The following BMAL1 variants were observed in gnomAD, a reference collection of about 807,000 sequenced individuals.
The protein encoded by BMAL1 is basic helix-loop-helix ARNT like 1.
the BMAL1 span, among the ~76,000 whole-genome samples, chr11:13,340,263 A>C: frequency 1.3e-5 from 2 of 152,024 alleles, no homozygotes; most frequent in African/African-American, 2.4e-5. Context: ...TGATGCTACT[A>C]TGTCACCCCA....
chr11:13,346,439 C>T, the BMAL1 span, among the ~76,000 whole-genome samples: 2 of 152,150 alleles, frequency 1.3e-5, no homozygotes, highest in African/African-American at 2.4e-5. Context: ...TGTAGATGGT[C>T]GGTATGGGTT....
the BMAL1 span, chr11:13,354,999 C>CT: frequency 2.7e-6 from 1 of 375,506 alleles, no homozygotes; most frequent in Non-Finnish European, 4.9e-6. Flanking sequence ...GACTTGTTGA[C>CT]TTTTCGTTTG....
chr11:13,355,987 C>T, the BMAL1 span, among the ~76,000 whole-genome samples: 15 of 152,098 alleles, frequency 9.9e-5, no homozygotes, highest in Non-Finnish European at 1.6e-4. Context: ...TTGGAGAAGG[C>T]GGTGAGGGGG....
At chr11:13,365,335 TCAGAGACGTTTGTTTTCAGCATCCTG>T in the BMAL1 span, 1 of 465,912 alleles carries the variant, frequency 2.1e-6, no homozygotes. Context: ...TTACAGTTCT[TCAGAGACGTTTGTTTTCAGCATCCTG>T]CACTCAGGAT....
chr11:13,379,910 G>A, the BMAL1 span: 1 of 152,204 alleles, frequency 6.6e-6, no homozygotes, highest in Non-Finnish European at 1.5e-5. Flanking sequence ...ATTTGTTGTA[G>A]GATGCTGAAC....
the BMAL1 span, among the ~76,000 whole-genome samples, chr11:13,284,246 A>G: frequency 4.4e-4 from 5 of 11,278 alleles, no homozygotes; most frequent in African/African-American, 1.2e-3. Flanking sequence ...ATATATATAT[A>G]TATATATATA....
chr11:13,369,912 C>T, the BMAL1 span: 1 of 1,044,970 alleles, frequency 9.6e-7, no homozygotes, highest in Non-Finnish European at 1.4e-6. Context: ...TGCAGTCCTC[C>T]CTATGTGTAG....
the BMAL1 span, among the ~76,000 whole-genome samples, chr11:13,278,906 C>T: frequency 1.3e-5 from 2 of 152,178 alleles, no homozygotes; most frequent in African/African-American, 4.8e-5. Flanking sequence ...AGGTGAACGT[C>T]GACCTTGTGG....
the BMAL1 span, chr11:13,385,877 A>T: frequency 2.0e-6 from 2 of 1,017,506 alleles, no homozygotes; most frequent in East Asian, 4.8e-5. Context: ...AACTGTGTGA[A>T]ACAAGCTAAT....
chr11:13,373,039 G>A, the BMAL1 span, among the ~76,000 whole-genome samples: 3 of 152,138 alleles, frequency 2.0e-5, no homozygotes, highest in South Asian at 6.2e-4. Context: ...TCTAGGACTT[G>A]GAAGCAATTA....
At chr11:13,347,580 C>T in the BMAL1 span, among the ~76,000 whole-genome samples, 1 of 152,062 alleles carries the variant, frequency 6.6e-6, no homozygotes, top group African/African-American at 2.4e-5. Flanking sequence ...GGCATGGTGG[C>T]TCACACCTGT....
chr11:13,371,911 T>C, the BMAL1 span, among the ~76,000 whole-genome samples: 1 of 152,204 alleles, frequency 6.6e-6, no homozygotes, highest in African/African-American at 2.4e-5. Flanking sequence ...TAGGAAGAGT[T>C]AGATATTCCT....
At chr11:13,341,378 C>G in the BMAL1 span, among the ~76,000 whole-genome samples, 1 of 152,214 alleles carries the variant, frequency 6.6e-6, no homozygotes, top group Non-Finnish European at 1.5e-5. Context: ...TATAATATTC[C>G]TTTTCTCTGC....
the BMAL1 span, among the ~76,000 whole-genome samples, chr11:13,316,796 G>A: frequency 6.6e-6 from 1 of 152,218 alleles, no homozygotes; most frequent in African/African-American, 2.4e-5. Flanking sequence ...GAAGGGGGAC[G>A]TTAGCCACAC....
chr11:13,291,332 C>A, the BMAL1 span, among the ~76,000 whole-genome samples: 1 of 152,064 alleles, frequency 6.6e-6, no homozygotes, highest in Non-Finnish European at 1.5e-5. Context: ...TGGGAGATAT[C>A]TTTAGTTGGG....
chr11:13,283,051 G>C, the BMAL1 span, among the ~76,000 whole-genome samples: 1 of 152,194 alleles, frequency 6.6e-6, no homozygotes, highest in African/African-American at 2.4e-5. Flanking sequence ...ATTGGATAAG[G>C]TTTAGTCATC....
the BMAL1 span, among the ~76,000 whole-genome samples, chr11:13,281,506 G>C: frequency 1.3e-5 from 2 of 152,088 alleles, no homozygotes; most frequent in Admixed American, 1.3e-4. Flanking sequence ...GGTTGTTCTT[G>C]GCCCCTTTGC....
chr11:13,324,209 C>A, the BMAL1 span, among the ~76,000 whole-genome samples: 22 of 152,128 alleles, frequency 1.4e-4, no homozygotes, highest in Non-Finnish European at 3.1e-4. Flanking sequence ...GCAAAGAGGT[C>A]TTTTAAAAAG....
chr11:13,375,421 T>G, the BMAL1 span, among the ~76,000 whole-genome samples: 1 of 152,206 alleles, frequency 6.6e-6, no homozygotes, highest in South Asian at 2.1e-4. Context: ...GCTTCACAAA[T>G]GAATTGAAAG....
Sources: allele counts gnomAD v4.1 joint callset (sites outside exome capture counted in the v4.1 genomes callset), GRCh38; gene constraint gnomAD v4.1.1; transcripts MANE v1.5; gene names NCBI Gene and HGNC (gene_info 2026-07-23, HGNC 2026-07-21).